The following MROH1 variants were observed in gnomAD, a reference collection of about 807,000 sequenced individuals.
MROH1 encodes maestro heat like repeat family member 1, also known as maestro heat-like repeat-containing protein family member 1.
Under a neutral mutation model 116.5 loss-of-function variants are expected in MROH1, and 117 were observed. That is an observed-to-expected ratio of 1.00 (90% CI 0.86 to 1.17). The LOEUF is 1.17. Ranked by LOEUF, MROH1 falls within the 50% of genes most tolerant of loss-of-function variation. The pLI, the probability that MROH1 is intolerant of heterozygous loss-of-function variation, is 0.00. For missense variants in MROH1, 1,873 were observed against 1,338.5 expected, an observed-to-expected ratio of 1.40 and a Z score of -6.23; for synonymous variants, 921 against 583.9, an observed-to-expected ratio of 1.58 and a Z score of -8.32.
In MROH1 at chr8:144,190,811, T is replaced by C; in HGVS notation, c.590T>C (p.Leu197Pro). Reference protein sequence around the residue: ...SALQRFSEGALEYLANLDRAP... With the variant: ...SALQRFSEGAPEYLANLDRAP... ...CTGCAGCGCTTCAGCGAGGGTGCCCTGGAGTACCTAGCCAACCTGGACCGA... is the reference window on the plus strand; with the variant it reads ...CTGCAGCGCTTCAGCGAGGGTGCCCCGGAGTACCTAGCCAACCTGGACCGA... Residue 197 changes from leucine to proline, a missense_variant, in exon 8 of 44, where the codon CTG becomes CCG. Physicochemically the swap from Leu to Pro is moderately conservative, Grantham distance 98. Coordinates refer to ENST00000326134, the MANE Select transcript of MROH1 (RefSeq NM_032450.3). 6.2e-7 allele frequency: 1 copy of C among 1,613,652 alleles called. No individual in the cohort carries two copies. The highest frequency in any genetic ancestry group is 8.5e-7 in the Non-Finnish European group (1 of 1,179,850).
intron 12 of MROH1, among the ~76,000 whole-genome samples, chr8:144,202,263 G>A (rs1564463541): frequency 2.6e-5 from 4 of 151,860 alleles, no homozygotes; most frequent in South Asian, 2.1e-4. Flanking sequence ...GTCTGTGGAG[G>A]GGCGGGGAGG....
chr8:144,250,595 G>A, intron 33 of MROH1: 3 of 610,298 alleles, frequency 4.9e-6, no homozygotes, highest in Non-Finnish European at 5.9e-6. Flanking sequence ...GCTCCGGTGG[G>A]CCCTGCACAG....
chr8:144,253,801 G>A (rs1483212069), intron 33 of MROH1, among the ~76,000 whole-genome samples: 2 of 152,050 alleles, frequency 1.3e-5, no homozygotes, highest in Non-Finnish European at 2.9e-5. Flanking sequence ...GTTCAGTGGA[G>A]TTTGCTCAGG....
chr8:144,260,233 G>A lies in MROH1; in HGVS notation c.4239G>A (p.Leu1413=). ...PQLLTAMIGG[L]DDGDNPHSPV... The stretch of plus-strand genomic sequence containing the variant: ...TCCTCACAGCCATGATTGGCGGGCT[G>A]GACGACGGGGACAACCCTCACAGCC... Residue 1413 remains leucine (L), a synonymous_variant, in exon 39 of 44, where the codon CTG becomes CTA. Coordinates refer to ENST00000326134, the MANE Select transcript of MROH1 (RefSeq NM_032450.3). 1.3e-6 allele frequency: 1 copy of A among 765,838 alleles called. No individual in the cohort carries two copies. The highest frequency in any genetic ancestry group is 2.4e-6 in the Non-Finnish European group (1 of 417,576). The allele number at this position is 765,838 out of a possible 1,614,324, so 47.4% of individuals were successfully genotyped here.
At chr8:144,165,749 T>A (rs1820666318) in intron 3 of MROH1, among the ~76,000 whole-genome samples, 1 of 148,814 alleles carries the variant, frequency 6.7e-6, no homozygotes. Flanking sequence ...TTTTTGTATT[T>A]TTTTTTTTTT....
intron 12 of MROH1, chr8:144,213,960 G>A (rs1461650620): frequency 1.3e-5 from 2 of 151,792 alleles, no homozygotes; most frequent in African/African-American, 2.4e-5. Flanking sequence ...TTTTGGTTTT[G>A]TTTTCTGATG....
chr8:144,239,420 AC>A, intron 17 of MROH1, 57 bp downstream of exon 17: 1 of 778,080 alleles, frequency 1.3e-6, no homozygotes, highest in Non-Finnish European at 2.4e-6. Flanking sequence ...CCTGTGCTCC[AC>A]CCAGGCTTGG....
At chr8:144,256,816 C>T (rs894562792) in intron 35 of MROH1, among the ~76,000 whole-genome samples, 3 of 152,262 alleles carry the variant, frequency 2.0e-5, no homozygotes, top group African/African-American at 7.2e-5. Flanking sequence ...GCCAAACACA[C>T]GCTTCCCGTT....
At chr8:144,259,818 C>T (rs1026040014) in intron 37 of MROH1, 93 bp from the exon 38 acceptor site, 5 of 706,036 alleles carry the variant, frequency 7.1e-6, no homozygotes, top group Admixed American at 4.0e-5. Flanking sequence ...GCCACACCGG[C>T]GTGGGGACAG....
chr8:144,227,839 G>A (rs1265358917), intron 14 of MROH1, among the ~76,000 whole-genome samples: 1 of 152,116 alleles, frequency 6.6e-6, no homozygotes, highest in Non-Finnish European at 1.5e-5. Context: ...TCAGGTCCCA[G>A]CCACTCGAGA....
chr8:144,189,984 A>G (rs542990700), intron 7 of MROH1, among the ~76,000 whole-genome samples: 12 of 152,264 alleles, frequency 7.9e-5, no homozygotes, highest in African/African-American at 2.9e-4. Context: ...AGTTTTGGAG[A>G]CTGGAAGTCC....
rs528311521 is a variant in MROH1 at position 144,159,350 on chromosome 8, C to T, written c.-176-1620C>T. ...TCCAGCCTGGGCGACAAAAGCGAAACTCCGTGTCAAAAAGAAAGGAGAGAG... is the reference window on the plus strand; with the variant it reads ...TCCAGCCTGGGCGACAAAAGCGAAATTCCGTGTCAAAAAGAAAGGAGAGAG... On this transcript the variant is annotated intron_variant, in intron 1 of 43. Transcript: ENST00000326134. Among the ~76,000 whole-genome samples, 199 of 152,270 alleles carry T rather than the reference C, an allele frequency of 1.3e-3. 1 individual carries two copies. Among genetic ancestry groups the T allele is most frequent in the African/African-American group, 4.6e-3 (192 of 41,570 alleles).
chr8:144,240,816 G>C (rs1012514292), intron 20 of MROH1, 139 bp downstream of exon 20: 2 of 679,062 alleles, frequency 2.9e-6, no homozygotes, highest in African/African-American at 3.5e-5. Flanking sequence ...CTGAGGGCCA[G>C]GAGTGCGAGA....
At chr8:144,230,392 C>G (rs1342930832) in intron 14 of MROH1, among the ~76,000 whole-genome samples, 1 of 152,098 alleles carries the variant, frequency 6.6e-6, no homozygotes, top group African/African-American at 2.4e-5. Context: ...TAATTTCCTT[C>G]AAGAGCTTTT....
At chr8:144,200,290 C>G (rs770052744) in intron 11 of MROH1, 138 bp from the exon 12 acceptor site, 3 of 662,642 alleles carry the variant, frequency 4.5e-6, no homozygotes, top group Non-Finnish European at 7.5e-6. Flanking sequence ...CCAGGCCCAG[C>G]GATTAGGTGA....
At chr8:144,195,775 T>C (rs1375937594) in intron 10 of MROH1, among the ~76,000 whole-genome samples, 5 of 151,900 alleles carry the variant, frequency 3.3e-5, no homozygotes, top group Admixed American at 6.6e-5. Context: ...CAGTAACAGC[T>C]CACTGCAGCC....
At chr8:144,181,869 C>T (rs922656321) in intron 7 of MROH1, among the ~76,000 whole-genome samples, 8 of 152,220 alleles carry the variant, frequency 5.3e-5, no homozygotes, top group Admixed American at 3.3e-4. Context: ...TGGCCTGATC[C>T]CTGCAGCTGC....
At chr8:144,155,087 A>G (rs942160925) in intron 1 of MROH1, among the ~76,000 whole-genome samples, 2 of 152,112 alleles carry the variant, frequency 1.3e-5, no homozygotes, top group Non-Finnish European at 1.5e-5. Flanking sequence ...AAGTGCTGGG[A>G]TTACAGGCAT....
chr8:144,194,385 T>G (rs1829345047), intron 10 of MROH1, among the ~76,000 whole-genome samples: 1 of 152,172 alleles, frequency 6.6e-6, no homozygotes, highest in Admixed American at 6.5e-5. Flanking sequence ...CAACTAAGAT[T>G]GGAAAGGAAC....
Sources: gnomAD v4.1 joint callset for allele counts (sites outside exome capture counted in the v4.1 genomes callset) on GRCh38, gnomAD v4.1.1 for gene constraint, MANE v1.5 for transcripts, NCBI Gene and HGNC (gene_info 2026-07-23, HGNC 2026-07-21) for gene names.